Variants in ODF2L observed in about 807,000 individuals in gnomAD.
The protein encoded by ODF2L is outer dense fiber of sperm tails 2 like.
In ODF2L, 76 loss-of-function variants were observed where a neutral mutation model predicts 86.3. The ratio of observed to expected loss-of-function variants is 0.88; its 90% CI spans 0.73 to 1.07. The LOEUF (loss-of-function observed/expected upper bound fraction) is 1.07. Among genes scored for constraint, ODF2L ranks in the 50% least tolerant of loss-of-function variants. The pLI, the probability that ODF2L is intolerant of heterozygous loss-of-function variation, is 0.00. For synonymous variants in ODF2L, 241 were observed against 231.3 expected (o/e 1.04, Z -0.38); for missense variants, 748 against 717.4 (o/e 1.04, Z -0.49).
At chr1:86,361,476 T>C (rs1172236395) in intron 11 of ODF2L, among the ~76,000 whole-genome samples, 3 of 152,146 alleles carry the variant, frequency 2.0e-5, no homozygotes, top group African/African-American at 4.8e-5. Context: ...CAAAAGACAG[T>C]CTACATGGAC....
At chr1:86,380,559 A>C (rs950868530) in intron 7 of ODF2L, among the ~76,000 whole-genome samples, 1 of 152,130 alleles carries the variant, frequency 6.6e-6, no homozygotes, top group African/African-American at 2.4e-5. Context: ...TCCAGACACG[A>C]TCTTCTCACC....
chr1:86,385,539 C>T, exon 3 of ODF2L: 1 of 1,609,512 alleles, frequency 6.2e-7, no homozygotes, highest in South Asian at 1.1e-5. Context: ...ACTCCGCTTC[C>T]TTAAGTGTTG....
chr1:86,363,721 A>G (rs1659205516), intron 11 of ODF2L, among the ~76,000 whole-genome samples: 1 of 151,988 alleles, frequency 6.6e-6, no homozygotes, highest in Non-Finnish European at 1.5e-5. Context: ...AACTCCAGTT[A>G]TCTTTCAGTT....
At chr1:86,357,958 G>C (rs928287191) in intron 13 of ODF2L, 1 of 985,176 alleles carries the variant, frequency 1.0e-6, no homozygotes, top group Admixed American at 6.1e-5. Context: ...TGGTTTATTC[G>C]CTGGCCTGCT....
rs1660631227 is a variant in ODF2L, at chr1:86,382,182, A to C, written c.624+60T>G. ...AAATTCTAGAACTAAGGAAGGCTTT[A>C]TGGCCTTTCATTAATTTTATCACTT... On this transcript the variant is annotated intron_variant, in intron 7 of 17. Transcript: ENST00000317336. 7 of 1,498,796 alleles carry C rather than the reference A, an allele frequency of 4.7e-6. No individual in the cohort carries two copies. In the South Asian group the frequency reaches 9.7e-5, roughly 21 times the overall value. 92.8% of individuals were successfully genotyped at this position (1,498,796 alleles called of 1,614,324 possible).
At chr1:86,355,390 TA>T in intron 14 of ODF2L, 3 of 1,515,290 alleles carry the variant, frequency 2.0e-6, no homozygotes, top group Non-Finnish European at 2.7e-6. Context: ...AAATCTGCTC[TA>T]AATAATGTAA....
intron 4 of ODF2L, among the ~76,000 whole-genome samples, chr1:86,383,959 CAT>C (rs530411634): frequency 4.1e-4 from 62 of 151,812 alleles, no homozygotes; most frequent in African/African-American, 1.3e-3. Context: ...GCACACGTAA[CAT>C]ATATAAAGAA....
chr1:86,374,758 C>G (rs137875332), intron 8 of ODF2L, among the ~76,000 whole-genome samples: 2 of 152,282 alleles, frequency 1.3e-5, no homozygotes, highest in Non-Finnish European at 2.9e-5. Flanking sequence ...AGACCACAGA[C>G]GTTTACAAAT....
chr1:86,391,067 C>T (rs1047405326), intron 1 of ODF2L, among the ~76,000 whole-genome samples: 4 of 152,160 alleles, frequency 2.6e-5, no homozygotes, highest in Admixed American at 2.6e-4. Context: ...AGAACTCAAC[C>T]ACTTTTACAA....
chr1:86,371,478 C>A (rs1329759871), intron 9 of ODF2L, among the ~76,000 whole-genome samples: 1 of 152,134 alleles, frequency 6.6e-6, no homozygotes, highest in African/African-American at 2.4e-5. Context: ...CATACACATG[C>A]ACACATATAT....
At chr1:86,359,888 C>T (rs902668801) in intron 12 of ODF2L, among the ~76,000 whole-genome samples, 1 of 152,086 alleles carries the variant, frequency 6.6e-6, no homozygotes. Flanking sequence ...CTGCATAAGT[C>T]CCATCTTATG....
At chr1:86,371,082 A>G in exon 10 of ODF2L, 1 of 1,564,388 alleles carries the variant, frequency 6.4e-7, no homozygotes, top group African/African-American at 1.4e-5. Context: ...AACTTTTCTA[A>G]GAATTTCTTC....
chr1:86,358,556 T>G, intron 13 of ODF2L: 1 of 215,748 alleles, frequency 4.6e-6, no homozygotes, highest in Non-Finnish European at 9.0e-6. Context: ...AATTAAACAT[T>G]TATGCTATTT....
chr1:86,381,414 C>T (rs1473164225), intron 7 of ODF2L, among the ~76,000 whole-genome samples: 1 of 152,020 alleles, frequency 6.6e-6, no homozygotes, highest in East Asian at 1.9e-4. Flanking sequence ...CATAAACCCG[C>T]ATTATGTCCC....
At chr1:86,393,128 A>G (rs577215388) in intron 1 of ODF2L, among the ~76,000 whole-genome samples, 1 of 152,338 alleles carries the variant, frequency 6.6e-6, no homozygotes, top group South Asian at 2.1e-4. Context: ...CAGACTAAGT[A>G]AATTAACTAA....
chr1:86,371,408 A>G (rs77844377), intron 9 of ODF2L, among the ~76,000 whole-genome samples: 2,969 of 152,276 alleles, frequency 0.019, 93 homozygotes, highest in African/African-American at 0.068. Context: ...GCTCTTTGCT[A>G]TTCAATAAAA....
intron 16 of ODF2L, among the ~76,000 whole-genome samples, chr1:86,353,633 C>T (rs1003023504): frequency 6.6e-6 from 1 of 152,124 alleles, no homozygotes; most frequent in Non-Finnish European, 1.5e-5. Flanking sequence ...AGGGACTGAT[C>T]CAGGAACAAG....
chr1:86,378,773 C>T (rs1251807328), intron 7 of ODF2L, among the ~76,000 whole-genome samples: 2 of 152,052 alleles, frequency 1.3e-5, no homozygotes, highest in African/African-American at 4.8e-5. Context: ...TCACCTCCCA[C>T]CAGGTCTCTC....
intron 4 of ODF2L, among the ~76,000 whole-genome samples, chr1:86,384,353 C>T (rs1265203482): frequency 6.6e-6 from 1 of 151,574 alleles, no homozygotes; most frequent in Non-Finnish European, 1.5e-5. Context: ...TTCAATAAAG[C>T]TTTTACCAGA....
Sources: gnomAD v4.1 joint callset for allele counts (sites outside exome capture counted in the v4.1 genomes callset) on GRCh38, gnomAD v4.1.1 for gene constraint, MANE v1.5 for transcripts, NCBI Gene and HGNC (gene_info 2026-07-23, HGNC 2026-07-21) for gene names.